The following MTCL1 variants were observed in gnomAD, a reference collection of about 807,000 sequenced individuals.
MTCL1 encodes microtubule crosslinking factor 1, also known as microtubule cross-linking factor 1.
Under a neutral mutation model 141.4 loss-of-function variants are expected in MTCL1, and 79 were observed. That is an observed-to-expected ratio of 0.56 (90% CI 0.47 to 0.67). MTCL1 has a LOEUF of 0.67. Among genes scored for constraint, MTCL1 ranks in the 30% least tolerant of loss-of-function variants. The probability of loss-of-function intolerance (pLI) is 0.00; values close to 1 mark genes in which losing one functional copy is unlikely to be tolerated. For synonymous variants in MTCL1, 914 were observed against 875.8 expected, an observed-to-expected ratio of 1.04 and a Z score of -0.77; for missense variants, 2,177 against 2,113.9, an observed-to-expected ratio of 1.03 and a Z score of -0.59.
chr18:8,737,162 C>T (rs961328444), intron 4 of MTCL1, among the ~76,000 whole-genome samples: 2 of 152,124 alleles, frequency 1.3e-5, no homozygotes, highest in Admixed American at 6.5e-5. Context: ...AAGTTCTGGA[C>T]GGGACATTCA....
chr18:8,757,193 G>A (rs940031772), intron 4 of MTCL1, among the ~76,000 whole-genome samples: 7 of 149,924 alleles, frequency 4.7e-5, no homozygotes, highest in African/African-American at 1.8e-4. Flanking sequence ...ATGGGCAGCT[G>A]TGGTGTTTTC....
intron 1 of MTCL1, among the ~76,000 whole-genome samples, chr18:8,708,936 C>G (rs1043583799): frequency 6.6e-6 from 1 of 152,160 alleles, no homozygotes; most frequent in South Asian, 2.1e-4. Context: ...CAGATGATTG[C>G]GTGTATGCAT....
At chr18:8,722,104 A>G (rs997491551) in intron 4 of MTCL1, among the ~76,000 whole-genome samples, 1 of 151,400 alleles carries the variant, frequency 6.6e-6, no homozygotes, top group African/African-American at 2.4e-5. Context: ...TGCCTCAATT[A>G]AAGTACCAGT....
At chr18:8,806,142 C>A (rs988507997) in intron 10 of MTCL1, among the ~76,000 whole-genome samples, 14 of 152,150 alleles carry the variant, frequency 9.2e-5, no homozygotes, top group African/African-American at 3.1e-4. Context: ...TTCCAAGAGG[C>A]AGAAAAGTGG....
chr18:8,773,190 G>A (rs2096491937), intron 4 of MTCL1, among the ~76,000 whole-genome samples: 1 of 152,124 alleles, frequency 6.6e-6, no homozygotes, highest in African/African-American at 2.4e-5. Context: ...TCTCAGAGGT[G>A]GAATTACACC....
At chr18:8,796,167 TG>T in intron 8 of MTCL1, 64 bp from the exon 8 acceptor site, 1 of 1,531,544 alleles carries the variant, frequency 6.5e-7, no homozygotes, top group Non-Finnish European at 9.0e-7. Flanking sequence ...CAGGGACTCT[TG>T]GTTTGGTTTG....
At chr18:8,709,989 G>A (rs1049183032) in intron 1 of MTCL1, among the ~76,000 whole-genome samples, 10 of 152,026 alleles carry the variant, frequency 6.6e-5, no homozygotes, top group African/African-American at 1.9e-4. Context: ...ACAAGTGCCC[G>A]CCACCACGCC....
At chr18:8,777,421 G>A (rs944388083) in intron 4 of MTCL1, among the ~76,000 whole-genome samples, 8 of 152,284 alleles carry the variant, frequency 5.3e-5, no homozygotes, top group African/African-American at 7.2e-5. Flanking sequence ...TCTCACATTA[G>A]CCCAAACAAA....
chr18:8,745,375 A>C (rs1304981022), intron 4 of MTCL1, among the ~76,000 whole-genome samples: 1 of 152,188 alleles, frequency 6.6e-6, no homozygotes, highest in Non-Finnish European at 1.5e-5. Flanking sequence ...TGAATAAACC[A>C]AGAGACGGAG....
intron 4 of MTCL1, 146 bp from the exon 4 acceptor site, chr18:8,777,687 A>G (rs868395087): frequency 1.5e-6 from 1 of 681,216 alleles, no homozygotes; most frequent in Middle Eastern, 2.6e-4. Context: ...AAAGCAAGAA[A>G]CAAATTTACA....
In MTCL1 at chr18:8,832,007, AT is replaced by A. The variant is rs1426153913; in HGVS notation, c.*426del. On this transcript the variant is annotated 3_prime_UTR_variant, in exon 17 of 17. Coordinates refer to ENST00000359865, the Ensembl canonical transcript of MTCL1. ...CAGTAAATGTGCCTGTAATAACTTA[AT>A]TTTTTTCATAGCTCAGAAAACTATT... 2.6e-5 allele frequency: 17 copies of A among 644,298 alleles called. No homozygotes were observed. The East Asian group carries it at 2.8e-4, about 11-fold the overall frequency. 39.9% of individuals were successfully genotyped at this position (644,298 alleles called of 1,614,324 possible). A position where few individuals can be genotyped will look rare whatever the true frequency, so the allele number is the denominator to read the frequency against.
At chr18:8,749,623 C>A (rs2148946981) in intron 4 of MTCL1, among the ~76,000 whole-genome samples, 1 of 152,314 alleles carries the variant, frequency 6.6e-6, no homozygotes, top group Non-Finnish European at 1.5e-5. Context: ...TTGGGCAGAT[C>A]CAATGGTGGG....
At chr18:8,742,623 C>T (rs1480456720) in intron 4 of MTCL1, among the ~76,000 whole-genome samples, 1 of 152,206 alleles carries the variant, frequency 6.6e-6, no homozygotes, top group African/African-American at 2.4e-5. Flanking sequence ...CCACCCTTGA[C>T]ACGTGGGGAT....
chr18:8,795,312 A>C lies in MTCL1; in HGVS notation c.2011-920A>C, dbSNP rs900397556. On this transcript the variant is annotated intron_variant, in intron 8 of 16. Coordinates refer to ENST00000359865, the Ensembl canonical transcript of MTCL1. Reference sequence around the variant, plus strand: ...TTACTTGGTTTTTGGCATAAGAGAGAGTGTTAAGAGAGGACAGCTGATAAC... The same window carrying C: ...TTACTTGGTTTTTGGCATAAGAGAGCGTGTTAAGAGAGGACAGCTGATAAC... Among the ~76,000 whole-genome samples, 4 of 152,150 alleles carry C rather than the reference A, an allele frequency of 2.6e-5. No homozygotes were observed. In the South Asian group the frequency reaches 8.3e-4, roughly 32 times the overall value.
exon 6 of MTCL1, chr18:8,784,457 G>A (rs747622962): frequency 2.6e-6 from 4 of 1,541,096 alleles, no homozygotes; most frequent in South Asian, 2.6e-5. Flanking sequence ...GAAGGCCCGG[G>A]AGGACTCTGA....
intron 7 of MTCL1, among the ~76,000 whole-genome samples, chr18:8,790,918 G>A (rs931443845): frequency 1.3e-5 from 2 of 152,198 alleles, no homozygotes; most frequent in Non-Finnish European, 2.9e-5. Context: ...GGGAGGCTGA[G>A]GCAGGAGAAT....
intron 10 of MTCL1, among the ~76,000 whole-genome samples, chr18:8,804,641 A>C (rs1272238073): frequency 3.3e-5 from 5 of 152,152 alleles, no homozygotes; most frequent in African/African-American, 1.2e-4. Flanking sequence ...TAAAGTAAAA[A>C]TTGTTCCCTG....
chr18:8,722,898 T>C (rs1392431433), intron 4 of MTCL1, among the ~76,000 whole-genome samples: 1 of 152,218 alleles, frequency 6.6e-6, no homozygotes, highest in African/African-American at 2.4e-5. Context: ...AATGGATTTG[T>C]GTAGGATTTG....
At chr18:8,732,413 A>ATTTAG (rs1168072906) in intron 4 of MTCL1, among the ~76,000 whole-genome samples, 4 of 152,180 alleles carry the variant, frequency 2.6e-5, no homozygotes, top group South Asian at 4.2e-4. Context: ...TGTTTGGCTA[A>ATTTAG]TTTAGGTAAC....
Sources: gnomAD v4.1 joint callset for allele counts (sites outside exome capture counted in the v4.1 genomes callset) on GRCh38, gnomAD v4.1.1 for gene constraint, MANE v1.5 for transcripts, NCBI Gene and HGNC (gene_info 2026-07-23, HGNC 2026-07-21) for gene names.